DST: variants seen among roughly 807,000 people sequenced by gnomAD.
DST encodes bullous pemphigoid antigen.
Under a neutral mutation model 875.2 loss-of-function variants are expected in DST, and 253 were observed. The observed-to-expected ratio is 0.29, with a 90% CI of 0.26 to 0.32. The LOEUF is 0.32. Ranked by LOEUF, DST falls within the 10% of genes least tolerant of loss-of-function variation. DST has a pLI of 1.00. For missense variants in DST, 8,287 were observed against 9,111.6 expected, an observed-to-expected ratio of 0.91 and a Z score of 3.68; for synonymous variants, 3,124 against 3,197.1, an observed-to-expected ratio of 0.98 and a Z score of 0.77.
chr6:56,824,835 A>G (rs1006301153), intron 4 of DST, among the ~76,000 whole-genome samples: 38 of 151,068 alleles, frequency 2.5e-4, no homozygotes, highest in Admixed American at 5.9e-4. Flanking sequence ...AGAAGTGAGG[A>G]GCGTCTCCGC....
chr6:56,523,203 G>A (rs2096738836), intron 69 of DST, among the ~76,000 whole-genome samples: 1 of 152,016 alleles, frequency 6.6e-6, no homozygotes, highest in South Asian at 2.1e-4. Flanking sequence ...GGACTGGTGG[G>A]TGGTATCAGT....
chr6:56,657,576 G>A (rs1587943749), intron 10 of DST, among the ~76,000 whole-genome samples: 1 of 152,110 alleles, frequency 6.6e-6, no homozygotes, highest in Admixed American at 6.5e-5. Flanking sequence ...CAACGGGTGG[G>A]GGGAGAGAGA....
At chr6:56,952,620 A>C (rs1005854030) in intron 2 of DST, among the ~76,000 whole-genome samples, 1 of 152,232 alleles carries the variant, frequency 6.6e-6, no homozygotes, top group South Asian at 2.1e-4. Flanking sequence ...GATAGCTACC[A>C]AATACTGAAT....
At chr6:56,946,944 A>T (rs1175850929) in intron 2 of DST, among the ~76,000 whole-genome samples, 1 of 152,226 alleles carries the variant, frequency 6.6e-6, no homozygotes, top group African/African-American at 2.4e-5. Flanking sequence ...CAAATTTATT[A>T]TACTTCATAT....
intron 2 of DST, among the ~76,000 whole-genome samples, chr6:56,944,705 G>C (rs985043789): frequency 9.9e-5 from 15 of 152,130 alleles, no homozygotes; most frequent in African/African-American, 3.6e-4. Context: ...AAAGAAGTGG[G>C]AAGCTACTGA....
chr6:56,469,838 A>G (rs2094794365), intron 97 of DST, 45 bp downstream of exon 97: 2 of 1,514,712 alleles, frequency 1.3e-6, no homozygotes, highest in East Asian at 2.3e-5. Flanking sequence ...ACAGATTTCA[A>G]TTTATGTCCT....
At chr6:56,695,126 CAAAA>C (rs34456344) in intron 9 of DST, among the ~76,000 whole-genome samples, 15 of 70,042 alleles carry the variant, frequency 2.1e-4, no homozygotes, top group African/African-American at 6.6e-4. Flanking sequence ...GACTCCCTCT[CAAAA>C]AAAAAAAAAA....
intron 4 of DST, among the ~76,000 whole-genome samples, chr6:56,750,078 C>T (rs2099582977): frequency 6.6e-6 from 1 of 152,192 alleles, no homozygotes; most frequent in Non-Finnish European, 1.5e-5. Flanking sequence ...GAAAGGCACA[C>T]ATTAAATGTT....
intron 9 of DST, among the ~76,000 whole-genome samples, chr6:56,698,412 G>A (rs899779468): frequency 6.6e-6 from 1 of 151,456 alleles, no homozygotes; most frequent in African/African-American, 2.4e-5. Context: ...TGCAACCTCT[G>A]CCTCCCAGGT....
At chr6:56,711,858 G>C (rs1208010820) in intron 5 of DST, among the ~76,000 whole-genome samples, 1 of 151,934 alleles carries the variant, frequency 6.6e-6, no homozygotes, top group East Asian at 1.9e-4. Flanking sequence ...TTGGGAGGCC[G>C]AGGCGGGCGG....
At chr6:56,528,964 C>T in intron 66 of DST, 39 bp from the exon 67 acceptor site, 2 of 1,306,542 alleles carry the variant, frequency 1.5e-6, no homozygotes. Flanking sequence ...GGGGGAAAAA[C>T]ATTTAAGTTA....
chr6:56,725,981 G>A (rs1022424624), intron 5 of DST, among the ~76,000 whole-genome samples: 79 of 151,916 alleles, frequency 5.2e-4, no homozygotes, highest in African/African-American at 1.8e-3. Context: ...ATATATTTAA[G>A]CAAACAACAG....
At chr6:56,707,864 T>A (rs377422636) in intron 5 of DST, among the ~76,000 whole-genome samples, 17 of 152,156 alleles carry the variant, frequency 1.1e-4, no homozygotes, top group African/African-American at 4.1e-4. Flanking sequence ...TATTAAGCCA[T>A]GCAAATCTAA....
chr6:56,773,488 CA>C (rs1564101041), intron 4 of DST, among the ~76,000 whole-genome samples: 1 of 151,888 alleles, frequency 6.6e-6, no homozygotes, highest in Non-Finnish European at 1.5e-5. Flanking sequence ...ATCCCAAATT[CA>C]AATATATATG....
chr6:56,460,030 G>T, intron 103 of DST, 101 bp downstream of exon 103: 1 of 1,397,650 alleles, frequency 7.2e-7, no homozygotes, highest in Non-Finnish European at 9.6e-7. Flanking sequence ...CTACCTCAGG[G>T]TCAATTTGTA....
intron 93 of DST, 104 bp from the exon 94 acceptor site, chr6:56,472,326 C>G (rs775631830): frequency 2.0e-6 from 2 of 992,084 alleles, no homozygotes; most frequent in Admixed American, 5.8e-5. Context: ...AACTTAATTA[C>G]GTGTTTACGC....
At chr6:56,801,560 C>T (rs2099746881) in intron 4 of DST, among the ~76,000 whole-genome samples, 1 of 152,030 alleles carries the variant, frequency 6.6e-6, no homozygotes, top group Admixed American at 6.6e-5. Flanking sequence ...TTCCCCACCC[C>T]AACCCGCCAA....
At chr6:56,468,205 C>A (rs1165786810) in intron 98 of DST, among the ~76,000 whole-genome samples, 1 of 151,948 alleles carries the variant, frequency 6.6e-6, no homozygotes, top group Non-Finnish European at 1.5e-5. Context: ...ATGTTTAAAT[C>A]AAAACAGAGT....
intron 61 of DST, among the ~76,000 whole-genome samples, chr6:56,545,615 T>C (rs1443968281): frequency 6.6e-6 from 1 of 152,152 alleles, no homozygotes; most frequent in Non-Finnish European, 1.5e-5. Context: ...AGTGCAACAA[T>C]GTACATCATA....
Sources: allele counts gnomAD v4.1 joint callset (sites outside exome capture counted in the v4.1 genomes callset), GRCh38; gene constraint gnomAD v4.1.1; transcripts MANE v1.5; gene names NCBI Gene and HGNC (gene_info 2026-07-23, HGNC 2026-07-21).